The following USP25 variants were observed in gnomAD, a reference collection of about 807,000 sequenced individuals.
USP25 encodes the protein ubiquitin specific peptidase 25.
A neutral mutation model predicts 158.5 loss-of-function variants in USP25; 85 were observed. The observed-to-expected ratio is 0.54, with a 90% confidence interval of 0.45 to 0.64. The LOEUF (loss-of-function observed/expected upper bound fraction) is 0.64. Ranked by LOEUF, USP25 falls within the 30% of genes least tolerant of loss-of-function variation. The pLI is 0.00. For missense variants in USP25, 1,242 were observed against 1,327.3 expected (o/e 0.94, Z 1.00); for synonymous variants, 464 against 460.4 (o/e 1.01, Z -0.10).
At chr21:15,852,773 T>C (rs1248625032) in intron 20 of USP25, among the ~76,000 whole-genome samples, 1 of 152,152 alleles carries the variant, frequency 6.6e-6, no homozygotes, top group Admixed American at 6.5e-5. Flanking sequence ...TTCTACCTTT[T>C]TATGTCTTTA....
intron 20 of USP25, among the ~76,000 whole-genome samples, chr21:15,855,664 C>T (rs1244887026): frequency 1.3e-5 from 2 of 152,204 alleles, no homozygotes; most frequent in Admixed American, 1.3e-4. Flanking sequence ...AGTGCCACAT[C>T]TTTCAAGTCA....
At chr21:15,851,497 C>A (rs1039309023) in intron 20 of USP25, among the ~76,000 whole-genome samples, 2 of 143,392 alleles carry the variant, frequency 1.4e-5, no homozygotes, top group African/African-American at 5.9e-5. Flanking sequence ...CAGCTCCTAT[C>A]CCCCATACAC....
intron 1 of USP25, among the ~76,000 whole-genome samples, chr21:15,732,747 G>A (rs917079375): frequency 1.3e-5 from 2 of 152,046 alleles, no homozygotes; most frequent in Non-Finnish European, 2.9e-5. Context: ...ATGGATGTAA[G>A]TTTTTTTGTT....
intron 17 of USP25, among the ~76,000 whole-genome samples, chr21:15,836,758 T>G (rs1321558346): frequency 3.6e-5 from 5 of 139,060 alleles, no homozygotes; most frequent in Non-Finnish European, 4.7e-5. Context: ...TGTCAGTGTG[T>G]GGATCAGAGT....
At chr21:15,864,518 T>G in intron 21 of USP25, 72 bp downstream of exon 21, 5 of 1,366,928 alleles carry the variant, frequency 3.7e-6, no homozygotes, top group Non-Finnish European at 4.9e-6. Context: ...CCAGGATAAT[T>G]TTTTGAGTAT....
chr21:15,796,612 G>C (rs939592253), intron 5 of USP25, among the ~76,000 whole-genome samples: 1 of 151,438 alleles, frequency 6.6e-6, no homozygotes, highest in African/African-American at 2.4e-5. Flanking sequence ...AGAACTGAAA[G>C]TTAAGACAGG....
Position 15,843,311 on chromosome 21 carries a change from AT to A in USP25, c.2337+773del, listed in dbSNP as rs1601099502. ...TGGTAGTTCCTTTTAATATTTGAAG[AT>A]TCCCCTTGACAACTAAAAAGAGTAC... On this transcript the variant is annotated intron_variant, in intron 18 of 25. Transcript: ENST00000400183. This position sits in a 1 kb window ranked among gnomAD's most constrained non-coding sequence, Gnocchi z 4.0. Among the ~76,000 whole-genome samples the A allele has an allele frequency of 6.6e-6, 1 of 152,162 alleles. No homozygotes were observed. Among genetic ancestry groups the A allele is most frequent in the East Asian group, 1.9e-4 (1 of 5,188 alleles).
At chr21:15,847,258 G>A (rs975368434) in intron 18 of USP25, among the ~76,000 whole-genome samples, 3 of 152,102 alleles carry the variant, frequency 2.0e-5, no homozygotes, top group African/African-American at 7.2e-5. Flanking sequence ...AAAATTGTCA[G>A]CTATACAGAC....
chr21:15,824,935 G>A (rs570495942), intron 11 of USP25, 31 bp from the exon 12 acceptor site: 21 of 1,552,208 alleles, frequency 1.4e-5, no homozygotes, highest in African/African-American at 4.1e-5. Flanking sequence ...CATGATATTC[G>A]GAAATGCTAA....
At chr21:15,791,695 TG>T in intron 5 of USP25, 31 bp downstream of exon 5, 17 of 1,584,030 alleles carry the variant, frequency 1.1e-5, no homozygotes, top group Non-Finnish European at 1.5e-5. Flanking sequence ...AGTTCTTATT[TG>T]ATGTGTGTGA....
intron 4 of USP25, among the ~76,000 whole-genome samples, chr21:15,786,912 C>T (rs2035306993): frequency 6.6e-6 from 1 of 151,968 alleles, no homozygotes; most frequent in Admixed American, 6.6e-5. Flanking sequence ...TAAGTGAATT[C>T]AGTAAAAGTG....
chr21:15,867,776 A>C (rs1008275957), intron 22 of USP25, among the ~76,000 whole-genome samples: 2 of 152,136 alleles, frequency 1.3e-5, no homozygotes, highest in African/African-American at 4.8e-5. Context: ...GAAACTATGG[A>C]GTATATAGAA....
chr21:15,862,620 C>T (rs1035786733), intron 20 of USP25, among the ~76,000 whole-genome samples: 28 of 145,128 alleles, frequency 1.9e-4, no homozygotes, highest in African/African-American at 7.1e-4. Context: ...TTTTAAAGAG[C>T]TCTAAGAGAA....
chr21:15,819,208 A>G (rs144778355), intron 10 of USP25, among the ~76,000 whole-genome samples: 6 of 152,346 alleles, frequency 3.9e-5, no homozygotes, highest in East Asian at 1.9e-4. Context: ...TGCTACTTAT[A>G]TCAACTGTTA....
intron 1 of USP25, among the ~76,000 whole-genome samples, chr21:15,731,469 C>G (rs946808649): frequency 6.6e-6 from 1 of 152,050 alleles, no homozygotes; most frequent in African/African-American, 2.4e-5. Flanking sequence ...GTGTAGATTG[C>G]AATATTCTAC....
chr21:15,833,264 C>T, intron 16 of USP25, 84 bp from the exon 17 acceptor site: 1 of 1,265,808 alleles, frequency 7.9e-7, no homozygotes, highest in South Asian at 1.4e-5. Context: ...AGTTTAAATT[C>T]TATTTGAAAT....
Position 15,805,251 on chromosome 21 carries a change from C to T in USP25, c.773C>T (p.Ser258Leu), listed in dbSNP as rs1303947526. Reference protein sequence around the residue: ...ILKDAFKSNDSQQQDVSEFTH... With the variant: ...ILKDAFKSNDLQQQDVSEFTH... ...AAGGATGCTTTCAAATCAAATGACT[C>T]ACAGCAGGTAGTTCTGTTGCACTGA... is the stretch of plus-strand genomic sequence containing the variant. Residue 258 changes from serine to leucine, a missense_variant, in exon 7 of 26, where the codon TCA becomes TTA. Physicochemically the swap from Ser to Leu is moderately radical, Grantham distance 145 (BLOSUM62 -2). Transcript: ENST00000400183. 2 of 1,599,328 alleles carry T rather than the reference C, an allele frequency of 1.3e-6. No individual in the cohort carries two copies. The highest frequency in any genetic ancestry group is 1.1e-5 in the South Asian group (1 of 87,716).
intron 8 of USP25, among the ~76,000 whole-genome samples, 173 bp from the exon 9 acceptor site, chr21:15,810,964 A>G (rs930516379): frequency 1.3e-5 from 2 of 152,230 alleles, no homozygotes; most frequent in Non-Finnish European, 1.5e-5. Context: ...AGGTAAAGAA[A>G]TGGAAGAATA....
intron 24 of USP25, chr21:15,877,252 A>G (rs2040135733): frequency 6.6e-6 from 1 of 152,358 alleles, no homozygotes; most frequent in African/African-American, 2.4e-5. Context: ...AGTTTTCTGT[A>G]TTAATCACTT....
Sources: allele counts gnomAD v4.1 joint callset (sites outside exome capture counted in the v4.1 genomes callset), GRCh38; gene constraint gnomAD v4.1.1; non-coding constraint Gnocchi (gnomAD v3.1); transcripts MANE v1.5; gene names NCBI Gene and HGNC (gene_info 2026-07-23, HGNC 2026-07-21).